Variants in GPC6 observed in about 807,000 individuals in gnomAD.
The protein encoded by GPC6 is glypican 6.
Under a neutral mutation model 55.2 loss-of-function variants are expected in GPC6, and 14 were observed. That is an observed-to-expected ratio of 0.25 (90% CI 0.17 to 0.40). GPC6 has a LOEUF of 0.40. GPC6 is among the 10% of genes least tolerant of loss of function. The probability of loss-of-function intolerance (pLI) is 1.00; values close to 1 mark genes in which losing one functional copy is unlikely to be tolerated. For synonymous variants in GPC6, 278 were observed against 259.6 expected (o/e 1.07, Z -0.68); for missense variants, 641 against 708.5 (o/e 0.90, Z 1.08).
chr13:93,764,583 AACACAC>A (rs10595180), intron 2 of GPC6, among the ~76,000 whole-genome samples: 72,807 of 148,378 alleles, frequency 0.49, 18,111 homozygotes, highest in Admixed American at 0.57. Flanking sequence ...TAAAGATGTA[AACACAC>A]ACACACACAC....
chr13:93,464,241 A>C (rs1900051), intron 1 of GPC6, among the ~76,000 whole-genome samples: 3,133 of 152,238 alleles, frequency 0.021, 118 homozygotes, highest in African/African-American at 0.071. Flanking sequence ...AGTTGGGGTG[A>C]ATGTGACAAT....
intron 4 of GPC6, among the ~76,000 whole-genome samples, chr13:94,081,146 G>T (rs1885083430): frequency 1.3e-5 from 2 of 152,172 alleles, no homozygotes; most frequent in Admixed American, 6.5e-5. Context: ...TGCTACTAAT[G>T]CTGGCTAGCT....
At chr13:93,605,747 C>T (rs927440788) in intron 2 of GPC6, among the ~76,000 whole-genome samples, 9 of 144,668 alleles carry the variant, frequency 6.2e-5, no homozygotes, top group Non-Finnish European at 1.0e-4. Flanking sequence ...GAGGCTGAGG[C>T]GGGAGAATCA....
At chr13:93,650,051 C>G (rs1212695133) in intron 2 of GPC6, among the ~76,000 whole-genome samples, 1 of 152,068 alleles carries the variant, frequency 6.6e-6, no homozygotes, top group Non-Finnish European at 1.5e-5. Flanking sequence ...ATACTTGATA[C>G]AAAATTCACA....
chr13:94,014,722 A>G (rs1882391972), intron 3 of GPC6, among the ~76,000 whole-genome samples: 1 of 152,002 alleles, frequency 6.6e-6, no homozygotes, highest in Non-Finnish European at 1.5e-5. Context: ...CCTGACAACC[A>G]CTAATCTACT....
chr13:93,650,549 A>G (rs1322903883), intron 2 of GPC6, among the ~76,000 whole-genome samples: 1 of 152,232 alleles, frequency 6.6e-6, no homozygotes, highest in African/African-American at 2.4e-5. Flanking sequence ...ATGAAAAAAT[A>G]TAGAAGACAG....
chr13:94,171,119 C>T (rs1276394445), intron 4 of GPC6, among the ~76,000 whole-genome samples: 1 of 152,128 alleles, frequency 6.6e-6, no homozygotes, highest in Admixed American at 6.6e-5. Flanking sequence ...AAGTGTACAA[C>T]CTGTTAGCCT....
intron 1 of GPC6, among the ~76,000 whole-genome samples, chr13:93,276,992 C>T (rs547728931): frequency 1.3e-5 from 2 of 152,130 alleles, no homozygotes; most frequent in East Asian, 1.9e-4. Flanking sequence ...ATAATCAATG[C>T]TTCTAAAATA....
intron 1 of GPC6, among the ~76,000 whole-genome samples, chr13:93,456,764 A>C (rs1426413760): frequency 6.6e-6 from 1 of 152,050 alleles, no homozygotes; most frequent in Non-Finnish European, 1.5e-5. Context: ...CTGTTTTAGC[A>C]TCTTGTAGCT....
intron 4 of GPC6, among the ~76,000 whole-genome samples, chr13:94,035,397 G>T (rs1883298430): frequency 6.6e-6 from 1 of 152,032 alleles, no homozygotes; most frequent in South Asian, 2.1e-4. Context: ...AATTTTAGGA[G>T]ATAAAAGGAA....
chr13:94,139,525 T>C (rs914870712), intron 4 of GPC6, among the ~76,000 whole-genome samples: 1 of 152,186 alleles, frequency 6.6e-6, no homozygotes, highest in Non-Finnish European at 1.5e-5. Context: ...CCAAGTATCT[T>C]GTAGATCTAG....
chr13:94,164,027 T>G (rs1566487130), intron 4 of GPC6, among the ~76,000 whole-genome samples: 1 of 152,176 alleles, frequency 6.6e-6, no homozygotes, highest in Non-Finnish European at 1.5e-5. Flanking sequence ...CTCTTATCTA[T>G]GAGATGCCAC....
chr13:93,699,619 A>T (rs1882600142), intron 2 of GPC6, among the ~76,000 whole-genome samples: 1 of 152,062 alleles, frequency 6.6e-6, no homozygotes, highest in Non-Finnish European at 1.5e-5. Flanking sequence ...TATTTTTCTT[A>T]CTTCAGGTGT....
intron 4 of GPC6, among the ~76,000 whole-genome samples, chr13:94,153,144 G>A (rs1887805144): frequency 6.6e-6 from 1 of 152,042 alleles, no homozygotes; most frequent in South Asian, 2.1e-4. Context: ...AGGCACAGGA[G>A]AATTTAATGA....
chr13:93,758,643 T>A (rs983389117), intron 2 of GPC6, among the ~76,000 whole-genome samples: 2 of 152,076 alleles, frequency 1.3e-5, no homozygotes, highest in Non-Finnish European at 2.9e-5. Flanking sequence ...TAGGCCTTTT[T>A]TTTTTCCTTC....
In GPC6 at chr13:93,576,250, G is replaced by A. The variant is rs1435937059; in HGVS notation, c.319+30829G>A. 3.9e-5 allele frequency among the ~76,000 whole-genome samples: 6 copies of A among 152,176 alleles called. No individual in the cohort carries two copies. The East Asian group carries it at 1.2e-3, about 29-fold the overall frequency. ...CAGAACAGTGTTAGATCCAGGTTTT[G>A]TGAGATCTGAAGATTATATAAATGG... On this transcript the variant is annotated intron_variant, in intron 2 of 8. Transcript: ENST00000377047.
chr13:93,346,520 C>T (rs897820297), intron 1 of GPC6, among the ~76,000 whole-genome samples: 1 of 152,134 alleles, frequency 6.6e-6, no homozygotes, highest in South Asian at 2.1e-4. Flanking sequence ...GACAGTTTCC[C>T]TGTGATGTGA....
At chr13:94,202,700 C>T (rs1446331553) in intron 4 of GPC6, among the ~76,000 whole-genome samples, 8 of 152,094 alleles carry the variant, frequency 5.3e-5, no homozygotes, top group Non-Finnish European at 1.5e-5. Context: ...AATGCTAGAA[C>T]CTTGAGAAAT....
intron 2 of GPC6, among the ~76,000 whole-genome samples, chr13:93,571,747 G>GT (rs1353257385): frequency 6.6e-6 from 1 of 152,084 alleles, no homozygotes; most frequent in Non-Finnish European, 1.5e-5. Context: ...CTCATCCACA[G>GT]TTTTTCACTG....
Sources: allele counts gnomAD v4.1 joint callset (sites outside exome capture counted in the v4.1 genomes callset), GRCh38; gene constraint gnomAD v4.1.1; transcripts MANE v1.5; gene names NCBI Gene and HGNC (gene_info 2026-07-23, HGNC 2026-07-21).